DAP3: variants seen among roughly 807,000 people sequenced by gnomAD.
The protein encoded by DAP3 is death associated protein 3.
DAP3 carries 28 observed loss-of-function variants against 51.9 expected under a neutral mutation model. The ratio of observed to expected loss-of-function variants is 0.54; its 90% CI spans 0.40 to 0.74. The LOEUF (loss-of-function observed/expected upper bound fraction) is 0.74. Ranked by LOEUF, DAP3 falls within the 30% of genes least tolerant of loss-of-function variation. DAP3 has a pLI of 0.00. For missense variants in DAP3, 458 were observed against 483.5 expected (o/e 0.95, Z 0.49); for synonymous variants, 170 against 170.3 (o/e 1.00, Z 0.01).
chr1:155,735,546 T>C (rs1052017457), intron 11 of DAP3, among the ~76,000 whole-genome samples: 1 of 151,606 alleles, frequency 6.6e-6, no homozygotes, highest in Non-Finnish European at 1.5e-5. Context: ...CATTGCACTC[T>C]AGCCTGGGCA....
chr1:155,737,561 C>T (rs1659933647), intron 12 of DAP3, among the ~76,000 whole-genome samples: 1 of 152,110 alleles, frequency 6.6e-6, no homozygotes, highest in Non-Finnish European at 1.5e-5. Flanking sequence ...TTGCCCTTGA[C>T]CTCACATTTG....
At chr1:155,733,707 C>T (rs1038990684) in intron 11 of DAP3, among the ~76,000 whole-genome samples, 5 of 151,788 alleles carry the variant, frequency 3.3e-5, no homozygotes, top group Admixed American at 6.6e-5. Flanking sequence ...TGTGGTGGTG[C>T]GTGCCTATAG....
chr1:155,702,662 G>A (rs191661235), intron 1 of DAP3, among the ~76,000 whole-genome samples: 1 of 151,820 alleles, frequency 6.6e-6, no homozygotes, highest in East Asian at 1.9e-4. Context: ...AATTGTCTTG[G>A]CATCCATGTT....
chr1:155,707,573 C>CA (rs915077510), intron 1 of DAP3, among the ~76,000 whole-genome samples: 30 of 152,054 alleles, frequency 2.0e-4, no homozygotes, highest in Admixed American at 1.5e-3. Flanking sequence ...TTCCTGTATA[C>CA]AAAAAAATGA....
chr1:155,705,693 A>ATTAT (rs889588583), intron 1 of DAP3, among the ~76,000 whole-genome samples: 17 of 150,794 alleles, frequency 1.1e-4, no homozygotes, highest in African/African-American at 2.4e-4. Flanking sequence ...ATTTTTAAAT[A>ATTAT]TTATTTATTT....
intron 11 of DAP3, among the ~76,000 whole-genome samples, chr1:155,736,192 A>T (rs565440120): frequency 3.9e-5 from 6 of 151,992 alleles, no homozygotes; most frequent in African/African-American, 7.2e-5. Flanking sequence ...TATTTTCACC[A>T]TGTTGGCCAG....
intron 4 of DAP3, 86 bp from the exon 5 acceptor site, chr1:155,725,296 T>A (rs568993678): frequency 1.7e-6 from 2 of 1,160,342 alleles, no homozygotes; most frequent in East Asian, 2.4e-5. Flanking sequence ...ATGGTCTTGG[T>A]TGCCACTTTA....
chr1:155,688,257 G>A, upstream of DAP3: 2 of 1,604,444 alleles, frequency 1.2e-6, no homozygotes, highest in Non-Finnish European at 1.7e-6. Flanking sequence ...GGGGCAAACT[G>A]AGAGGAGGCG....
chr1:155,721,376 ATG>A, intron 3 of DAP3, 139 bp from the exon 4 acceptor site: 1 of 380,736 alleles, frequency 2.6e-6, no homozygotes, highest in Non-Finnish European at 4.6e-6. Context: ...ATATGTATGT[ATG>A]TGTATATATA....
At chr1:155,702,182 A>C (rs1284693429) in intron 1 of DAP3, among the ~76,000 whole-genome samples, 1 of 151,526 alleles carries the variant, frequency 6.6e-6, no homozygotes, top group East Asian at 1.9e-4. Context: ...AAAATTAGAA[A>C]ACTTGGGCCA....
intron 1 of DAP3, among the ~76,000 whole-genome samples, chr1:155,706,793 G>A (rs372725829): frequency 1.9e-4 from 29 of 151,710 alleles, no homozygotes; most frequent in African/African-American, 5.3e-4. Context: ...AAAGAAAGGT[G>A]AAAATGATAG....
At chr1:155,720,720 TTTCA>T (rs1657893827) in intron 3 of DAP3, among the ~76,000 whole-genome samples, 1 of 151,024 alleles carries the variant, frequency 6.6e-6, no homozygotes, top group Non-Finnish European at 1.5e-5. Context: ...CTTATCCAAT[TTTCA>T]AAGTCTTGGT....
chr1:155,719,312 T>C (rs1657719746), intron 3 of DAP3, among the ~76,000 whole-genome samples: 1 of 151,490 alleles, frequency 6.6e-6, no homozygotes, highest in Non-Finnish European at 1.5e-5. Flanking sequence ...CTCGTCTCAC[T>C]GCAACCTCCA....
intron 1 of DAP3, among the ~76,000 whole-genome samples, chr1:155,699,575 A>G (rs1163182503): frequency 6.6e-6 from 1 of 152,138 alleles, no homozygotes; most frequent in Non-Finnish European, 1.5e-5. Context: ...GGCCATTTGT[A>G]TAACTACTCT....
At chr1:155,730,239 G>GTA (rs1659095127) in intron 9 of DAP3, among the ~76,000 whole-genome samples, 1 of 148,866 alleles carries the variant, frequency 6.7e-6, no homozygotes, top group African/African-American at 2.5e-5. Context: ...ATGTATATAT[G>GTA]TATATATACG....
chr1:155,716,287 C>T lies in DAP3; in HGVS notation c.46-719C>T, dbSNP rs150208439. ...TACATAGAAGAAAAATGTTGCCGGGCGCGGTGGCTCACGCCTGTAATCCCA... is the reference window on the plus strand; with the variant it reads ...TACATAGAAGAAAAATGTTGCCGGGTGCGGTGGCTCACGCCTGTAATCCCA... On this transcript the variant is annotated intron_variant, in intron 2 of 12. Transcript: ENST00000368336. 5.9e-3 allele frequency among the ~76,000 whole-genome samples: 901 copies of T among 152,240 alleles called. 7 individuals are homozygous for T. Among genetic ancestry groups the T allele is most frequent in the African/African-American group, 0.02 (849 of 41,528 alleles).
rs1470691288 is a variant in DAP3, at chr1:155,721,314, A to C, written c.169-203A>C. On this transcript the variant is annotated intron_variant, in intron 3 of 12. Transcript: ENST00000368336. ...ACCATTGCACTCCTGCCTGGGTGAC[A>C]AAAGTAAAACTCCATTTTAAAAATA... 2.0e-5 allele frequency among the ~76,000 whole-genome samples: 3 copies of C among 151,766 alleles called. No individual in the cohort carries two copies. The East Asian group carries it at 5.8e-4, about 29-fold the overall frequency.
chr1:155,697,812 C>G (rs958739519), intron 1 of DAP3, among the ~76,000 whole-genome samples: 1 of 152,146 alleles, frequency 6.6e-6, no homozygotes, highest in Admixed American at 6.5e-5. Flanking sequence ...ATTTCCTAAT[C>G]CTAGCAAGCC....
intron 1 of DAP3, among the ~76,000 whole-genome samples, chr1:155,694,400 G>T (rs1654252812): frequency 7.1e-6 from 1 of 141,578 alleles, no homozygotes; most frequent in African/African-American, 3.2e-5. Flanking sequence ...TGCCCAATAG[G>T]TATAATTTTG....
Sources: gnomAD v4.1 joint callset for allele counts (sites outside exome capture counted in the v4.1 genomes callset) on GRCh38, gnomAD v4.1.1 for gene constraint, MANE v1.5 for transcripts, NCBI Gene and HGNC (gene_info 2026-07-23, HGNC 2026-07-21) for gene names.